Variants in SLBP observed in about 807,000 individuals in gnomAD.
The protein encoded by SLBP is histone RNA hairpin-binding protein.
A neutral mutation model predicts 39.2 loss-of-function variants in SLBP; 29 were observed. The observed-to-expected ratio is 0.74, with a 90% confidence interval of 0.55 to 1.01. SLBP has a LOEUF of 1.01. SLBP is among the 50% of genes least tolerant of loss of function. SLBP has a pLI of 0.00. For missense variants in SLBP, 390 were observed against 350.2 expected, an observed-to-expected ratio of 1.11 and a Z score of -0.91; for synonymous variants, 129 against 118.7, an observed-to-expected ratio of 1.09 and a Z score of -0.57.
intron 2 of SLBP, among the ~76,000 whole-genome samples, chr4:1,706,131 A>G (rs1716507081): frequency 6.6e-6 from 1 of 152,140 alleles, no homozygotes; most frequent in Non-Finnish European, 1.5e-5. Context: ...ATAAAAATAC[A>G]AAAATTAGCC....
intron 5 of SLBP, among the ~76,000 whole-genome samples, chr4:1,698,939 A>G (rs1322708664): frequency 6.6e-6 from 1 of 151,820 alleles, no homozygotes; most frequent in African/African-American, 2.4e-5. Flanking sequence ...ACAGGTGCAA[A>G]CCACCACACC....
In SLBP at chr4:1,711,985, G is replaced by A. The variant is rs1232299051; in HGVS notation, c.65C>T (p.Pro22Leu). The A allele has an allele frequency of 1.7e-5, 22 of 1,293,242 alleles. No homozygotes were observed. The highest frequency in any genetic ancestry group is 4.4e-5 in the South Asian group (2 of 45,258). 80.1% of individuals were successfully genotyped at this position (1,293,242 alleles called of 1,614,324 possible). A position where few individuals can be genotyped will look rare whatever the true frequency, so the allele number is the denominator to read the frequency against. ...TCCCAGGCTCCATCGCGCGGGGGAC[G>A]GCGGGCTGCGGGGAGGGACGCGGTC... The part of the protein sequence containing the change: ...QSRCDGDASP[P>L]SPARWSLGRK... Residue 22 changes from proline to leucine, a missense_variant, in exon 2 of 8, where the codon CCG becomes CTG. Pro to Leu is a moderately conservative substitution (Grantham distance 98). Coordinates refer to ENST00000489418, the MANE Select transcript of SLBP (RefSeq NM_006527.4).
intron 5 of SLBP, among the ~76,000 whole-genome samples, chr4:1,698,088 G>A (rs1457874541): frequency 2.0e-5 from 3 of 151,934 alleles, no homozygotes; most frequent in Non-Finnish European, 4.4e-5. Context: ...ATGGTTGGGC[G>A]TGGTGGCTCA....
At chr4:1,711,259 T>C (rs1186924082) in intron 2 of SLBP, among the ~76,000 whole-genome samples, 2 of 151,554 alleles carry the variant, frequency 1.3e-5, no homozygotes, top group Non-Finnish European at 2.9e-5. Flanking sequence ...CCACCTTCAC[T>C]GCTCCATCTC....
intron 2 of SLBP, among the ~76,000 whole-genome samples, chr4:1,705,682 A>G (rs1331627736): frequency 6.6e-6 from 1 of 152,190 alleles, no homozygotes; most frequent in Non-Finnish European, 1.5e-5. Flanking sequence ...TCTACAGCAA[A>G]TTGTCCACTC....
At chr4:1,711,785 C>G in intron 2 of SLBP, 89 bp downstream of exon 2, 1 of 664,206 alleles carries the variant, frequency 1.5e-6, no homozygotes, top group Non-Finnish European at 2.2e-6. Context: ...CTGACCGATC[C>G]CGGCACCGCG....
At chr4:1,711,814 T>C in intron 2 of SLBP, 60 bp downstream of exon 2, 2 of 926,706 alleles carry the variant, frequency 2.2e-6, no homozygotes, top group Non-Finnish European at 2.9e-6. Flanking sequence ...ACGAGGTCCC[T>C]GGAGCCCGCG....
Position 1,711,863 on chromosome 4 carries a change from C to A in SLBP, c.176+11G>T. Reference sequence around the variant, plus strand: ...CCCCACCGCGCCCCGACCCCCGGGTCCCGCGCCCACCTCTCGGGTCTGCGC... The same window carrying A: ...CCCCACCGCGCCCCGACCCCCGGGTACCGCGCCCACCTCTCGGGTCTGCGC... On this transcript the variant is annotated intron_variant, in intron 2 of 7. Transcript: ENST00000489418. 1.5e-6 allele frequency: 2 copies of A among 1,296,770 alleles called. No individual in the cohort carries two copies. Among genetic ancestry groups the A allele is most frequent in the South Asian group, 4.1e-5 (2 of 48,380 alleles). The allele number at this position is 1,296,770 out of a possible 1,614,324, so 80.3% of individuals were successfully genotyped here.
Position 1,693,587 on chromosome 4 carries a change from C to CA in SLBP, c.*9dup. ...AGGAGCTGTTTCTCTTCCTGGCCGC[C>CA]AGGGGGCAGTTAGCTCATGGCTGAG... is the stretch of plus-strand genomic sequence containing the variant. On this transcript the variant is annotated 3_prime_UTR_variant, in exon 8 of 8. Coordinates refer to ENST00000489418, the MANE Select transcript of SLBP (RefSeq NM_006527.4). 6.4e-7 allele frequency: 1 copy of CA among 1,568,348 alleles called. No homozygotes were observed.
chr4:1,704,781 AT>A (rs939366051), intron 2 of SLBP, among the ~76,000 whole-genome samples: 2 of 152,204 alleles, frequency 1.3e-5, no homozygotes, highest in Non-Finnish European at 2.9e-5. Flanking sequence ...CAGGTCTGGC[AT>A]TCCTCCAGGT....
chr4:1,697,158 TAAAAAAAAAAAA>T (rs59715153), intron 5 of SLBP, among the ~76,000 whole-genome samples: 21 of 32,782 alleles, frequency 6.4e-4, no homozygotes, highest in South Asian at 4.0e-3. Context: ...GACTCCACCT[TAAAAAAAAAAAA>T]AAAAAAAAAA....
chr4:1,693,690 G>A lies in SLBP; in HGVS notation c.720C>T (p.Thr240=), dbSNP rs149711716. The A allele has an allele frequency of 9.8e-4, 1,577 of 1,613,088 alleles. 2 individuals carry two copies. The highest frequency in any genetic ancestry group is 1.2e-3 in the Non-Finnish European group (1,363 of 1,179,084). ...DDFDVYSGTP[T]KVRHMDSQVE... ...CTTGACTGTCCATGTGTCTCACCTT[G>A]GTGGGTGTGCCAGAGTACACATCCT... The change falls in exon 8 of 8, where the codon ACC becomes ACT. Residue 240 remains threonine, a synonymous_variant. Transcript: ENST00000489418.
chr4:1,704,950 G>A (rs531223657), intron 2 of SLBP, among the ~76,000 whole-genome samples: 14 of 150,684 alleles, frequency 9.3e-5, no homozygotes, highest in Admixed American at 1.3e-4. Flanking sequence ...TTTTTGAGAC[G>A]GAGTCTCACT....
intron 2 of SLBP, among the ~76,000 whole-genome samples, chr4:1,705,754 A>C (rs895729672): frequency 2.0e-5 from 3 of 152,174 alleles, no homozygotes; most frequent in African/African-American, 7.2e-5. Context: ...TGTCTTTTTC[A>C]TGTGTGCTAA....
At chr4:1,701,086 A>G (rs545038726) in intron 3 of SLBP, among the ~76,000 whole-genome samples, 3 of 152,098 alleles carry the variant, frequency 2.0e-5, no homozygotes, top group African/African-American at 7.2e-5. Flanking sequence ...CATTCTCTCC[A>G]GTACCACAGA....
intron 2 of SLBP, among the ~76,000 whole-genome samples, chr4:1,710,131 G>A (rs958167856): frequency 6.6e-6 from 1 of 151,402 alleles, no homozygotes; most frequent in Non-Finnish European, 1.5e-5. Context: ...GGCCCGCCTT[G>A]GCCTCCCAAA....
At position 1,702,844 on chromosome 4, in the gene SLBP, G is replaced by A. The variant is rs149453407; in HGVS notation, c.281+752C>T. ...CATTTCTGAGCTGTTTGTTGCCTAAGCCAAGTGTCAATGTATTCCTTCATC... is the reference window on the plus strand; with the variant it reads ...CATTTCTGAGCTGTTTGTTGCCTAAACCAAGTGTCAATGTATTCCTTCATC... On this transcript the variant is annotated intron_variant, in intron 3 of 7. Coordinates refer to ENST00000489418, the MANE Select transcript of SLBP (RefSeq NM_006527.4). 2.8e-3 allele frequency among the ~76,000 whole-genome samples: 430 copies of A among 152,302 alleles called. 2 individuals carry two copies. Among genetic ancestry groups the A allele is most frequent in the African/African-American group, 9.5e-3 (394 of 41,572 alleles).
chr4:1,711,148 G>C (rs528239031), intron 2 of SLBP, among the ~76,000 whole-genome samples: 13 of 137,268 alleles, frequency 9.5e-5, no homozygotes, highest in African/African-American at 2.7e-4. Flanking sequence ...GTGAAGTTGG[G>C]TCCGATTTTT....
chr4:1,708,617 C>A (rs1716613343), intron 2 of SLBP, among the ~76,000 whole-genome samples: 1 of 152,156 alleles, frequency 6.6e-6, no homozygotes, highest in Non-Finnish European at 1.5e-5. Flanking sequence ...AATTTAAAGC[C>A]TGTGTATGTG....
Sources: allele counts gnomAD v4.1 joint callset (sites outside exome capture counted in the v4.1 genomes callset), GRCh38; gene constraint gnomAD v4.1.1; transcripts MANE v1.5; gene names NCBI Gene and HGNC (gene_info 2026-07-23, HGNC 2026-07-21).